Variants in CACNA2D3 observed in about 807,000 individuals in gnomAD.
CACNA2D3 encodes the protein voltage-dependent calcium channel subunit alpha-2/delta-3.
In CACNA2D3, 60 loss-of-function variants were observed where a neutral mutation model predicts 160.6. That is an observed-to-expected ratio of 0.37 (90% CI 0.30 to 0.46). The LOEUF (loss-of-function observed/expected upper bound fraction) is 0.46. Among genes scored for constraint, CACNA2D3 ranks in the 20% least tolerant of loss-of-function variants. CACNA2D3 has a pLI of 1.00. For missense variants in CACNA2D3, 1,205 were observed against 1,365.0 expected, an observed-to-expected ratio of 0.88 and a Z score of 1.85; for synonymous variants, 558 against 492.9, an observed-to-expected ratio of 1.13 and a Z score of -1.75.
chr3:55,017,777 A>G (rs72866964), intron 34 of CACNA2D3, among the ~76,000 whole-genome samples: 14,924 of 152,244 alleles, frequency 0.098, 794 homozygotes, highest in African/African-American at 0.11. Flanking sequence ...GTATTTTACT[A>G]TTTCATATTT....
chr3:54,710,387 G>A (rs2106962523), intron 11 of CACNA2D3, among the ~76,000 whole-genome samples: 1 of 152,338 alleles, frequency 6.6e-6, no homozygotes, highest in Non-Finnish European at 1.5e-5. Flanking sequence ...ATATGATGCA[G>A]ATTGAATAGT....
intron 35 of CACNA2D3, among the ~76,000 whole-genome samples, chr3:55,044,624 G>A (rs906257458): frequency 3.3e-5 from 5 of 149,982 alleles, no homozygotes; most frequent in African/African-American, 1.2e-4. Context: ...CTCTCTTATT[G>A]CACTGACTGG....
intron 9 of CACNA2D3, among the ~76,000 whole-genome samples, chr3:54,595,543 T>C (rs2106763405): frequency 6.6e-6 from 1 of 152,292 alleles, no homozygotes; most frequent in South Asian, 2.1e-4. Context: ...AACCTTGTCC[T>C]CTGGTCCCCT....
intron 13 of CACNA2D3, among the ~76,000 whole-genome samples, chr3:54,803,299 T>A (rs1033675746): frequency 6.6e-6 from 1 of 152,038 alleles, no homozygotes; most frequent in Non-Finnish European, 1.5e-5. Context: ...GGCAAAGAAG[T>A]TGAAAACTTT....
chr3:54,654,515 A>G (rs1699839516), intron 11 of CACNA2D3, among the ~76,000 whole-genome samples: 1 of 152,154 alleles, frequency 6.6e-6, no homozygotes, highest in African/African-American at 2.4e-5. Flanking sequence ...GGAAGTAGCA[A>G]CTGCAGGCAA....
At chr3:54,997,025 G>T (rs1276349616) in intron 31 of CACNA2D3, among the ~76,000 whole-genome samples, 2 of 152,062 alleles carry the variant, frequency 1.3e-5, no homozygotes, top group Admixed American at 6.5e-5. Context: ...CCTGTCAGGG[G>T]GTGGAGGACT....
chr3:54,167,906 A>G (rs1010369552), intron 2 of CACNA2D3, among the ~76,000 whole-genome samples: 1 of 152,160 alleles, frequency 6.6e-6, no homozygotes, highest in African/African-American at 2.4e-5. Flanking sequence ...TGAGCGCAGT[A>G]TTTACAGATT....
intron 11 of CACNA2D3, among the ~76,000 whole-genome samples, chr3:54,711,657 G>A (rs1432368769): frequency 2.0e-5 from 3 of 152,314 alleles, no homozygotes; most frequent in East Asian, 3.9e-4. Context: ...ATTCCACACT[G>A]GGACTTGGGA....
intron 3 of CACNA2D3, among the ~76,000 whole-genome samples, chr3:54,341,234 A>G (rs1401694733): frequency 1.3e-5 from 2 of 152,226 alleles, no homozygotes; most frequent in East Asian, 1.9e-4. Flanking sequence ...CATTTGTTCA[A>G]ACTGCCTTCA....
In CACNA2D3 at chr3:54,149,924, T is replaced by TCC. The variant is rs1391058201; in HGVS notation, c.204+26331_204+26332insCC. On this transcript the variant is annotated intron_variant, in intron 2 of 37. Transcript: ENST00000474759. The stretch of plus-strand genomic sequence containing the variant: ...CTCTCTCTCTCTCTCTCTCTCTCTC[T>TCC]CTCTCTCCCTCCCTCCCTCCCTCCC... Among the ~76,000 whole-genome samples the TCC allele has an allele frequency of 8.0e-3, 392 of 48,728 alleles. 23 individuals carry two copies. Among genetic ancestry groups the TCC allele is most frequent in the Middle Eastern group, 0.011 (1 of 92 alleles). 32.0% of individuals were successfully genotyped at this position (48,728 alleles called of 152,430 possible).
chr3:54,979,689 G>A (rs1463095872), intron 29 of CACNA2D3, among the ~76,000 whole-genome samples: 2 of 152,104 alleles, frequency 1.3e-5, no homozygotes, highest in African/African-American at 4.8e-5. Context: ...CAGAACTCCT[G>A]TTCTGTCATG....
At chr3:54,859,770 T>C (rs941376526) in intron 17 of CACNA2D3, among the ~76,000 whole-genome samples, 1 of 152,102 alleles carries the variant, frequency 6.6e-6, no homozygotes, top group African/African-American at 2.4e-5. Context: ...ATGCTTTTGA[T>C]GCCTGTCTCT....
intron 3 of CACNA2D3, among the ~76,000 whole-genome samples, chr3:54,338,120 A>G (rs1037975458): frequency 1.3e-5 from 2 of 152,270 alleles, no homozygotes; most frequent in Non-Finnish European, 2.9e-5. Context: ...AAACTGTGCT[A>G]TAAATTGTCA....
intron 16 of CACNA2D3, among the ~76,000 whole-genome samples, chr3:54,846,079 A>C (rs558444664): frequency 1.3e-5 from 2 of 152,188 alleles, no homozygotes; most frequent in African/African-American, 4.8e-5. Flanking sequence ...TTACAGAAAC[A>C]TTAGCCACTT....
At chr3:54,655,987 C>A (rs1436202715) in intron 11 of CACNA2D3, among the ~76,000 whole-genome samples, 1 of 152,188 alleles carries the variant, frequency 6.6e-6, no homozygotes. Context: ...GAGACAAGAA[C>A]CATGTCCCCA....
chr3:54,715,992 A>G (rs1701043617), intron 11 of CACNA2D3, among the ~76,000 whole-genome samples: 1 of 152,214 alleles, frequency 6.6e-6, no homozygotes, highest in Non-Finnish European at 1.5e-5. Context: ...AGGGATGGCG[A>G]TAGATGTGTT....
intron 1 of CACNA2D3, among the ~76,000 whole-genome samples, chr3:54,123,230 C>T (rs899913047): frequency 3.3e-5 from 5 of 151,962 alleles, no homozygotes; most frequent in African/African-American, 1.2e-4. Context: ...GGGTCGAGTC[C>T]TCGGGCAGTG....
chr3:54,136,039 A>G (rs80323014), intron 2 of CACNA2D3, among the ~76,000 whole-genome samples: 2,239 of 152,318 alleles, frequency 0.015, 78 homozygotes, highest in African/African-American at 0.051. Context: ...ATGCCTTTCA[A>G]AGCTACCCAG....
chr3:54,677,089 A>C (rs1700256769), intron 11 of CACNA2D3, among the ~76,000 whole-genome samples: 1 of 152,250 alleles, frequency 6.6e-6, no homozygotes, highest in Admixed American at 6.5e-5. Context: ...AGTGTTTAAT[A>C]AATAGATATC....
Sources: allele counts gnomAD v4.1 joint callset (sites outside exome capture counted in the v4.1 genomes callset), GRCh38; gene constraint gnomAD v4.1.1; transcripts MANE v1.5; gene names NCBI Gene and HGNC (gene_info 2026-07-23, HGNC 2026-07-21).